The following NEURL1 variants were observed in gnomAD, a reference collection of about 807,000 sequenced individuals.
NEURL1 encodes neuralized E3 ubiquitin protein ligase 1.
A neutral mutation model predicts 41.2 loss-of-function variants in NEURL1; 26 were observed. That is an observed-to-expected ratio of 0.63 (90% CI 0.46 to 0.87). NEURL1 has a LOEUF of 0.87. NEURL1 is among the 40% of genes least tolerant of loss of function. NEURL1 has a pLI of 0.00. For synonymous variants in NEURL1, 400 were observed against 402.3 expected, an observed-to-expected ratio of 0.99 and a Z score of 0.07; for missense variants, 761 against 871.1, an observed-to-expected ratio of 0.87 and a Z score of 1.59.
intron 1 of NEURL1, among the ~76,000 whole-genome samples, chr10:103,561,177 G>A (rs1014545853): frequency 3.9e-5 from 6 of 152,166 alleles, no homozygotes; most frequent in Admixed American, 3.9e-4. Flanking sequence ...CAATTCAGGA[G>A]AGGCAAGAGA....
At chr10:103,528,259 G>T (rs2034501313) in intron 1 of NEURL1, among the ~76,000 whole-genome samples, 1 of 152,208 alleles carries the variant, frequency 6.6e-6, no homozygotes, top group African/African-American at 2.4e-5. Context: ...AAAGGCTGAG[G>T]CAGGAGAATC....
chr10:103,558,503 CTGTGTGTGTGTGTGTGTG>C lies in NEURL1; in HGVS notation c.86-12341_86-12324del, dbSNP rs3068767. On this transcript the variant is annotated intron_variant, in intron 1 of 5. Coordinates refer to ENST00000369780, the MANE Select transcript of NEURL1 (RefSeq NM_004210.5). The surrounding 1 kb of genome is among the most constrained non-coding windows in gnomAD (Gnocchi z 4.2). ...GTGGTACTCTGTGCCTGTGCCATGCCTGTGTGTGTGTGTGTGTGTGTGTGTGTGTGTGTGTGTGTGTGT... is the reference window on the plus strand; with the variant it reads ...GTGGTACTCTGTGCCTGTGCCATGCCTGTGTGTGTGTGTGTGTGTGTGTGT... 3.0e-5 allele frequency among the ~76,000 whole-genome samples: 4 copies of C among 131,924 alleles called. No homozygotes were observed. Among genetic ancestry groups the C allele is most frequent in the East Asian group, 4.5e-4 (2 of 4,404 alleles). The allele number at this position is 131,924 out of a possible 152,430, so 86.5% of individuals were successfully genotyped here. A position where few individuals can be genotyped will look rare whatever the true frequency, so the allele number is the denominator to read the frequency against.
chr10:103,564,851 C>G (rs1431136167), intron 1 of NEURL1, among the ~76,000 whole-genome samples: 1 of 152,114 alleles, frequency 6.6e-6, no homozygotes, highest in African/African-American at 2.4e-5. Flanking sequence ...CTTGCCACCC[C>G]ACTCCCTGCC....
chr10:103,503,349 G>C (rs2033868830), intron 1 of NEURL1, among the ~76,000 whole-genome samples: 1 of 152,190 alleles, frequency 6.6e-6, no homozygotes, highest in South Asian at 2.1e-4. Flanking sequence ...GCAGAACTTA[G>C]AGAAAAAGAA....
chr10:103,538,463 C>T (rs1020093179), intron 1 of NEURL1, among the ~76,000 whole-genome samples: 3 of 151,152 alleles, frequency 2.0e-5, no homozygotes, highest in African/African-American at 7.3e-5. Context: ...CCTAGCTACT[C>T]AGGAGGCTGA....
At chr10:103,574,690 C>T (rs1475710012) in intron 3 of NEURL1, among the ~76,000 whole-genome samples, 2 of 152,198 alleles carry the variant, frequency 1.3e-5, no homozygotes, top group Non-Finnish European at 2.9e-5. Flanking sequence ...GCTTCCCACC[C>T]TCAGGGGCTG....
intron 3 of NEURL1, among the ~76,000 whole-genome samples, chr10:103,581,347 A>G (rs1263632235): frequency 6.6e-6 from 1 of 152,224 alleles, no homozygotes; most frequent in African/African-American, 2.4e-5. Flanking sequence ...AACGGCTTAT[A>G]TTAACCTAAT....
intron 1 of NEURL1, among the ~76,000 whole-genome samples, chr10:103,561,655 G>T (rs542614180): frequency 6.4e-4 from 97 of 152,368 alleles, no homozygotes; most frequent in African/African-American, 2.3e-3. Context: ...ATGCCAAGAG[G>T]TGGATGCAGG....
intron 3 of NEURL1, among the ~76,000 whole-genome samples, chr10:103,583,319 CT>C (rs957707843): frequency 6.6e-6 from 1 of 151,998 alleles, no homozygotes; most frequent in African/African-American, 2.4e-5. Flanking sequence ...GTTCATTTTT[CT>C]GGGGAAAAGG....
At chr10:103,588,944 A>G (rs2035980240) in intron 4 of NEURL1, 1 of 28,640 alleles carries the variant, frequency 3.5e-5, no homozygotes, top group African/African-American at 1.3e-4. Flanking sequence ...CTCCGTCTGA[A>G]AAAAAAAAAA....
rs1056966085 is a variant in NEURL1, at chr10:103,590,449, G to A, written c.*77G>A. On this transcript the variant is annotated 3_prime_UTR_variant, in exon 6 of 6. Transcript: ENST00000369780. ...TCCCAGCTGAGGAACAAGCCAGTGGGGCCCCTTCTCTTCCTCATTTTGGAA... is the reference window on the plus strand; with the variant it reads ...TCCCAGCTGAGGAACAAGCCAGTGGAGCCCCTTCTCTTCCTCATTTTGGAA... 5 of 1,252,754 alleles carry A rather than the reference G, an allele frequency of 4.0e-6. No individual in the cohort carries two copies. The African/African-American group carries it at 5.9e-5, about 15-fold the overall frequency. 77.6% of individuals were successfully genotyped at this position (1,252,754 alleles called of 1,614,324 possible). A position where few individuals can be genotyped will look rare whatever the true frequency, so the allele number is the denominator to read the frequency against.
At chr10:103,527,172 T>C (rs1408601179) in intron 1 of NEURL1, among the ~76,000 whole-genome samples, 1 of 152,222 alleles carries the variant, frequency 6.6e-6, no homozygotes, top group Non-Finnish European at 1.5e-5. Flanking sequence ...GCCATGGCAT[T>C]TGTAAACTGT....
chr10:103,503,646 C>G (rs1189099527), intron 1 of NEURL1, among the ~76,000 whole-genome samples: 1 of 152,132 alleles, frequency 6.6e-6, no homozygotes, highest in Non-Finnish European at 1.5e-5. Context: ...GTGAGAAATG[C>G]AATAGGTGAG....
intron 3 of NEURL1, among the ~76,000 whole-genome samples, chr10:103,583,379 AAAAC>A (rs991588078): frequency 3.3e-5 from 5 of 151,862 alleles, no homozygotes; most frequent in Non-Finnish European, 5.9e-5. Flanking sequence ...TAAAAGGTAA[AAAAC>A]AAGTGATGTT....
Position 103,584,785 on chromosome 10 carries a change from G to C in NEURL1, c.899G>C (p.Arg300Pro), listed in dbSNP as rs2035868169. Residue 300 changes from arginine (R) to proline (P), a missense_variant, in exon 4 of 6, where the codon CGC becomes CCC. Coordinates refer to ENST00000369780, the MANE Select transcript of NEURL1 (RefSeq NM_004210.5). ...LDGDLRFHALRAGAHVRILDE... is the reference protein window; with the variant it reads ...LDGDLRFHALPAGAHVRILDE... Reference sequence around the variant, plus strand: ...GGCGACCTGCGTTTCCACGCCCTGCGCGCCGGCGCGCACGTCCGCATCCTC... The same window carrying C: ...GGCGACCTGCGTTTCCACGCCCTGCCCGCCGGCGCGCACGTCCGCATCCTC... 8 of 1,437,156 alleles carry C rather than the reference G, an allele frequency of 5.6e-6. No individual in the cohort carries two copies. The South Asian group carries it at 1.1e-4, about 20-fold the overall frequency. The allele number at this position is 1,437,156 out of a possible 1,614,324, so 89.0% of individuals were successfully genotyped here. A position where few individuals can be genotyped will look rare whatever the true frequency, so the allele number is the denominator to read the frequency against.
At chr10:103,539,956 G>A (rs2034783506) in intron 1 of NEURL1, among the ~76,000 whole-genome samples, 2 of 152,186 alleles carry the variant, frequency 1.3e-5, no homozygotes, top group African/African-American at 4.8e-5. Flanking sequence ...TTCAGACTAT[G>A]AAGCAACCTT....
intron 1 of NEURL1, among the ~76,000 whole-genome samples, chr10:103,562,609 A>C (rs1268554374): frequency 6.6e-6 from 1 of 152,178 alleles, no homozygotes; most frequent in Admixed American, 6.5e-5. Context: ...GCATACAACA[A>C]GTGCCTCGGG....
chr10:103,574,425 G>A (rs1169493623), intron 3 of NEURL1, among the ~76,000 whole-genome samples: 3 of 152,208 alleles, frequency 2.0e-5, no homozygotes, highest in Non-Finnish European at 4.4e-5. Flanking sequence ...TGAGGCCCAC[G>A]CAAGGCCTGG....
chr10:103,564,891 G>C (rs1367363357), intron 1 of NEURL1, among the ~76,000 whole-genome samples: 18 of 152,122 alleles, frequency 1.2e-4, no homozygotes, highest in Admixed American at 1.2e-3. Context: ...GATGGAGGAG[G>C]GGGTAGCAGG....
Sources: allele counts gnomAD v4.1 joint callset (sites outside exome capture counted in the v4.1 genomes callset), GRCh38; gene constraint gnomAD v4.1.1; non-coding constraint Gnocchi (gnomAD v3.1); transcripts MANE v1.5; gene names NCBI Gene and HGNC (gene_info 2026-07-23, HGNC 2026-07-21).